The following CDKAL1 variants were observed in gnomAD, a reference collection of about 807,000 sequenced individuals.
The protein encoded by CDKAL1 is CDKAL1 threonylcarbamoyladenosine tRNA methylthiotransferase, also known as threonylcarbamoyladenosine tRNA methylthiotransferase.
Under a neutral mutation model 68.2 loss-of-function variants are expected in CDKAL1, and 32 were observed. That is an observed-to-expected ratio of 0.47 (90% confidence interval 0.35 to 0.63). The LOEUF is 0.63. Ranked by LOEUF, CDKAL1 falls within the 30% of genes least tolerant of loss-of-function variation. The pLI is 0.00. For synonymous variants in CDKAL1, 234 were observed against 244.3 expected, an observed-to-expected ratio of 0.96 and a Z score of 0.39; for missense variants, 606 against 696.7, an observed-to-expected ratio of 0.87 and a Z score of 1.47.
chr6:21,171,425 G>A (rs1777380953), intron 13 of CDKAL1, among the ~76,000 whole-genome samples: 1 of 152,024 alleles, frequency 6.6e-6, no homozygotes, highest in Non-Finnish European at 1.5e-5. Context: ...TGTTAGCCAG[G>A]CTGGTCTCGA....
At chr6:21,040,253 C>T (rs1445737844) in intron 11 of CDKAL1, among the ~76,000 whole-genome samples, 4 of 152,092 alleles carry the variant, frequency 2.6e-5, no homozygotes, top group Non-Finnish European at 5.9e-5. Context: ...CTAAAGTACA[C>T]AACAGATGGT....
In CDKAL1 at chr6:21,165,260, C is replaced by A. The variant is rs115774635; in HGVS notation, c.1300-32761C>A. 4.5e-3 allele frequency among the ~76,000 whole-genome samples: 679 copies of A among 152,332 alleles called. 4 individuals carry two copies. Among genetic ancestry groups the A allele is most frequent in the African/African-American group, 0.015 (638 of 41,576 alleles). On this transcript the variant is annotated intron_variant, in intron 13 of 15. Transcript: ENST00000274695. ...TTCTGACTGATTACTCCACTCCTGC[C>A]ATCAGCTTCTTCTTTACGGCCCAAC... is the stretch of plus-strand genomic sequence containing the variant.
At chr6:20,691,499 T>G (rs1490096168) in intron 5 of CDKAL1, among the ~76,000 whole-genome samples, 1 of 152,072 alleles carries the variant, frequency 6.6e-6, no homozygotes, top group African/African-American at 2.4e-5. Context: ...TAGTCTGTAG[T>G]TTTATTAAAC....
intron 8 of CDKAL1, 24 bp downstream of exon 8, chr6:20,781,289 A>C: frequency 6.3e-7 from 1 of 1,590,888 alleles, no homozygotes; most frequent in Non-Finnish European, 8.6e-7. Flanking sequence ...AAACTTGCTC[A>C]TAAAATATTC....
intron 6 of CDKAL1, 47 bp downstream of exon 6, chr6:20,739,662 A>T (rs771915151): frequency 9.8e-7 from 1 of 1,016,724 alleles, no homozygotes; most frequent in Non-Finnish European, 1.5e-6. Flanking sequence ...CATTGTTAAC[A>T]CCTGTAATAG....
chr6:20,724,525 T>G (rs1401757898), intron 5 of CDKAL1, among the ~76,000 whole-genome samples: 1 of 151,874 alleles, frequency 6.6e-6, no homozygotes, highest in Non-Finnish European at 1.5e-5. Flanking sequence ...CAGAACAGTG[T>G]AGGCAACATG....
chr6:20,779,798 T>C (rs533262691), intron 7 of CDKAL1, among the ~76,000 whole-genome samples: 2 of 152,334 alleles, frequency 1.3e-5, no homozygotes, highest in East Asian at 3.9e-4. Flanking sequence ...CTGGTTGGGC[T>C]GGTCTGCCTG....
intron 11 of CDKAL1, among the ~76,000 whole-genome samples, chr6:21,030,024 A>G (rs1237196960): frequency 6.6e-6 from 1 of 152,184 alleles, no homozygotes; most frequent in African/African-American, 2.4e-5. Context: ...ACAAATGGCC[A>G]CATATACTTA....
chr6:21,087,269 T>G (rs1772745622), intron 12 of CDKAL1, among the ~76,000 whole-genome samples: 1 of 152,208 alleles, frequency 6.6e-6, no homozygotes, highest in South Asian at 2.1e-4. Context: ...TGTAACTGAT[T>G]CTTTGAGAAA....
intron 11 of CDKAL1, among the ~76,000 whole-genome samples, chr6:21,044,203 G>A (rs781657299): frequency 6.6e-6 from 1 of 151,686 alleles, no homozygotes; most frequent in South Asian, 2.1e-4. Flanking sequence ...TTTACTCCTC[G>A]ACATCTCCTC....
intron 4 of CDKAL1, among the ~76,000 whole-genome samples, chr6:20,592,546 G>C (rs1765638039): frequency 6.7e-6 from 1 of 149,570 alleles, no homozygotes; most frequent in African/African-American, 2.5e-5. Flanking sequence ...TCGGCCCACT[G>C]CAACCTTCAC....
intron 12 of CDKAL1, among the ~76,000 whole-genome samples, chr6:21,077,054 C>T (rs755853517): frequency 3.3e-5 from 5 of 152,104 alleles, no homozygotes; most frequent in Non-Finnish European, 7.4e-5. Context: ...TTAACATAAA[C>T]TTAATGATCC....
chr6:20,748,834 T>C (rs1773788191), intron 6 of CDKAL1, among the ~76,000 whole-genome samples: 1 of 151,966 alleles, frequency 6.6e-6, no homozygotes, highest in African/African-American at 2.4e-5. Flanking sequence ...AGTTTTCAGG[T>C]AGTTTTAAAG....
chr6:20,768,620 C>G (rs765676289), intron 7 of CDKAL1, among the ~76,000 whole-genome samples: 56 of 152,038 alleles, frequency 3.7e-4, no homozygotes, highest in Non-Finnish European at 6.9e-4. Flanking sequence ...TTTGCCCTTC[C>G]TCCATTCAGT....
intron 9 of CDKAL1, among the ~76,000 whole-genome samples, chr6:20,859,037 A>G (rs1759480828): frequency 6.6e-6 from 1 of 152,158 alleles, no homozygotes; most frequent in South Asian, 2.1e-4. Context: ...ATTTTTTAGT[A>G]TAGGAAATTA....
At chr6:20,996,328 G>A (rs527828821) in intron 10 of CDKAL1, among the ~76,000 whole-genome samples, 26 of 152,318 alleles carry the variant, frequency 1.7e-4, no homozygotes, top group Admixed American at 4.6e-4. Context: ...GCTGACTGGT[G>A]CAAGAGGCCT....
At chr6:20,856,012 A>G (rs1759314903) in intron 9 of CDKAL1, among the ~76,000 whole-genome samples, 1 of 152,146 alleles carries the variant, frequency 6.6e-6, no homozygotes, top group Non-Finnish European at 1.5e-5. Flanking sequence ...TTGAGTGCAA[A>G]TCCACCTGCT....
chr6:20,967,605 G>A (rs1765383032), intron 10 of CDKAL1, among the ~76,000 whole-genome samples: 1 of 152,066 alleles, frequency 6.6e-6, no homozygotes, highest in Non-Finnish European at 1.5e-5. Flanking sequence ...TTAGCACTTT[G>A]TGCAGTTGTC....
At chr6:20,560,402 G>A (rs1449137631) in intron 4 of CDKAL1, among the ~76,000 whole-genome samples, 1 of 152,112 alleles carries the variant, frequency 6.6e-6, no homozygotes, top group Admixed American at 6.6e-5. Flanking sequence ...TTAGTCACTG[G>A]CTTACTGCTT....
Sources: gnomAD v4.1 joint callset for allele counts (sites outside exome capture counted in the v4.1 genomes callset) on GRCh38, gnomAD v4.1.1 for gene constraint, MANE v1.5 for transcripts, NCBI Gene and HGNC (gene_info 2026-07-23, HGNC 2026-07-21) for gene names.